The following FRMPD4 variants were observed in gnomAD, a reference collection of about 807,000 sequenced individuals.
FRMPD4 encodes FERM and PDZ domain-containing protein 4.
In FRMPD4, 22 loss-of-function variants were observed where a neutral mutation model predicts 94.1. The ratio of observed to expected loss-of-function variants is 0.23; its 90% CI spans 0.17 to 0.33. The LOEUF (loss-of-function observed/expected upper bound fraction) is 0.33, where lower values mean the gene tolerates loss of function less well. Among genes scored for constraint, FRMPD4 ranks in the 10% least tolerant of loss-of-function variants. The pLI is 1.00. For missense variants in FRMPD4, 1,111 were observed against 1,339.9 expected (o/e 0.83, Z 2.67); for synonymous variants, 631 against 548.6 (o/e 1.15, Z -2.10).
At chrX:12,552,567 T>C (rs1013313511) in intron 2 of FRMPD4, among the ~76,000 whole-genome samples, 1 of 112,097 alleles carries the variant, frequency 8.9e-6, no homozygotes, top group Non-Finnish European at 1.9e-5. Context: ...CAAATTGCCA[T>C]GCTTCAAATT....
At chrX:11,843,758 C>A (rs559563479) in intron 1 of FRMPD4, among the ~76,000 whole-genome samples, 1 of 109,463 alleles carries the variant, frequency 9.1e-6, no homozygotes, top group African/African-American at 3.3e-5. Flanking sequence ...GCTGTGTTCA[C>A]CAGGCTGATG....
chrX:12,453,884 A>G (rs1035034523), intron 1 of FRMPD4, among the ~76,000 whole-genome samples: 1 of 112,297 alleles, frequency 8.9e-6, no homozygotes, highest in African/African-American at 3.2e-5. Context: ...ACGCTCCTCA[A>G]TCGAACATAT....
At chrX:12,106,071 T>C (rs2055294858) in intron 3 of FRMPD4, among the ~76,000 whole-genome samples, 1 of 111,918 alleles carries the variant, frequency 8.9e-6, no homozygotes, top group African/African-American at 3.3e-5. Flanking sequence ...ATGTCCAGGC[T>C]CTTCAAAGCA....
At chrX:12,365,267 A>G (rs895955388) in intron 1 of FRMPD4, among the ~76,000 whole-genome samples, 3 of 111,736 alleles carry the variant, frequency 2.7e-5, no homozygotes, top group Non-Finnish European at 3.8e-5. Flanking sequence ...CTGAGTTCCA[A>G]TCAGAGACTT....
chrX:11,994,530 C>T (rs1355460401), intron 3 of FRMPD4, among the ~76,000 whole-genome samples: 1 of 110,683 alleles, frequency 9.0e-6, no homozygotes. Context: ...TTGAGGAGTG[C>T]GTTTGAGAGT....
At chrX:12,055,146 A>G (rs980311053) in intron 3 of FRMPD4, among the ~76,000 whole-genome samples, 5 of 112,321 alleles carry the variant, frequency 4.5e-5, no homozygotes, top group African/African-American at 1.6e-4. Flanking sequence ...GGGATAAATT[A>G]TTTTTAAAAA....
chrX:11,825,664 C>A (rs2053439785), intron 1 of FRMPD4, among the ~76,000 whole-genome samples: 1 of 111,356 alleles, frequency 9.0e-6, no homozygotes, highest in Non-Finnish European at 1.9e-5. Flanking sequence ...CCGCACCCCC[C>A]CACCAAAAGA....
intron 1 of FRMPD4, among the ~76,000 whole-genome samples, chrX:11,860,164 A>G (rs1462095653): frequency 8.9e-6 from 1 of 112,861 alleles, no homozygotes; most frequent in Non-Finnish European, 1.9e-5. Context: ...GCATATATTT[A>G]GAAAAGAATC....
intron 2 of FRMPD4, among the ~76,000 whole-genome samples, chrX:12,564,931 A>G (rs1257550961): frequency 1.8e-5 from 2 of 111,223 alleles, no homozygotes; most frequent in Admixed American, 1.9e-4. Context: ...GTAACAAAAT[A>G]GTAGCATGGC....
intron 3 of FRMPD4, among the ~76,000 whole-genome samples, chrX:12,065,503 G>A (rs980134707): frequency 3.6e-5 from 4 of 111,901 alleles, no homozygotes; most frequent in African/African-American, 1.3e-4. Context: ...GATCAGGCCT[G>A]GCTGCCTGAT....
At position 12,193,524 on chromosome X, in the gene FRMPD4, C is replaced by T. The variant is rs139645639; in HGVS notation, c.41+54512C>T. Among the ~76,000 whole-genome samples, 804 of 107,030 alleles carry T rather than the reference C, an allele frequency of 7.5e-3. 3 individuals carry two copies. The highest frequency in any genetic ancestry group is 0.01 in the Non-Finnish European group (530 of 51,948). The allele number at this position is 107,030 out of a possible 115,157, so 92.9% of individuals were successfully genotyped here. A position where few individuals can be genotyped will look rare whatever the true frequency, so the allele number is the denominator to read the frequency against. On this transcript the variant is annotated intron_variant, in intron 1 of 16. Transcript: ENST00000675598. The stretch of plus-strand genomic sequence containing the variant: ...GGAATATATGGTAATTGGATACTTT[C>T]GAGATTGAGTGCTTCTTTGGCAAAT...
At chrX:12,546,949 T>C (rs1353577568) in intron 2 of FRMPD4, among the ~76,000 whole-genome samples, 1 of 95,180 alleles carries the variant, frequency 1.1e-5, no homozygotes, top group African/African-American at 4.1e-5. Context: ...CCCAGGAGGC[T>C]TCAGTGAGCT....
At chrX:12,398,712 AG>A (rs1185525033) in intron 1 of FRMPD4, among the ~76,000 whole-genome samples, 1 of 111,363 alleles carries the variant, frequency 9.0e-6, no homozygotes, top group Admixed American at 9.5e-5. Flanking sequence ...AAAATTATCA[AG>A]GGGGGGAAAT....
At chrX:11,890,055 G>A (rs1237953823) in intron 3 of FRMPD4, among the ~76,000 whole-genome samples, 9 of 112,536 alleles carry the variant, frequency 8.0e-5, no homozygotes, top group Non-Finnish European at 1.5e-4. Flanking sequence ...TTGTTGGAAG[G>A]AGGGACAAAG....
intron 1 of FRMPD4, among the ~76,000 whole-genome samples, chrX:12,478,316 T>G (rs368603084): frequency 3.6e-5 from 4 of 111,637 alleles, no homozygotes; most frequent in South Asian, 7.7e-4. Flanking sequence ...GGCTCACTCC[T>G]GTAATCCCAC....
In FRMPD4 at chrX:12,502,824, T is replaced by C. The variant is rs752259790; in HGVS notation, c.158+4028T>C. ...ATGGGTATAGATGATTAGATACAGA[T>C]ATAGACTATAGATGAGTGACTATAC... On this transcript the variant is annotated intron_variant, in intron 2 of 16. Transcript: ENST00000675598. Among the ~76,000 whole-genome samples, 5 of 112,121 alleles carry C rather than the reference T, an allele frequency of 4.5e-5. No individual in the cohort carries two copies. The Admixed American group carries it at 4.7e-4, about 11-fold the overall frequency.
At chrX:12,585,813 A>T (rs2058923105) in intron 2 of FRMPD4, among the ~76,000 whole-genome samples, 1 of 112,351 alleles carries the variant, frequency 8.9e-6, no homozygotes, top group African/African-American at 3.2e-5. Flanking sequence ...TTAATACCAA[A>T]AAATTAAATA....
At chrX:12,434,429 C>T (rs1347532738) in intron 1 of FRMPD4, among the ~76,000 whole-genome samples, 2 of 112,058 alleles carry the variant, frequency 1.8e-5, no homozygotes, top group Admixed American at 9.4e-5. Context: ...GCATCATCCT[C>T]ACTCTGTTTT....
chrX:12,508,239 T>TGGA (rs2148243442), intron 2 of FRMPD4, among the ~76,000 whole-genome samples: 1 of 109,415 alleles, frequency 9.1e-6, no homozygotes, highest in South Asian at 3.9e-4. Context: ...CTCACCATTC[T>TGGA]CCTTTTGCTC....
Sources: allele counts gnomAD v4.1 joint callset (sites outside exome capture counted in the v4.1 genomes callset), GRCh38; gene constraint gnomAD v4.1.1; transcripts MANE v1.5; gene names NCBI Gene and HGNC (gene_info 2026-07-23, HGNC 2026-07-21).